Variants in TRIML2 observed in about 807,000 individuals in gnomAD.
TRIML2 encodes the protein probable E3 ubiquitin-protein ligase TRIML2.
TRIML2 carries 28 observed loss-of-function variants against 31.2 expected under a neutral mutation model. That is an observed-to-expected ratio of 0.90 (90% CI 0.66 to 1.23). The LOEUF (loss-of-function observed/expected upper bound fraction) is 1.23. Among genes scored for constraint, TRIML2 ranks in the 50% most tolerant of loss-of-function variants. The pLI, the probability that TRIML2 is intolerant of heterozygous loss-of-function variation, is 0.00. For synonymous variants in TRIML2, 187 were observed against 197.5 expected, an observed-to-expected ratio of 0.95 and a Z score of 0.45; for missense variants, 536 against 528.3, an observed-to-expected ratio of 1.01 and a Z score of -0.14.
chr4:188,107,469 T>A (rs868649549), intron 1 of TRIML2, among the ~76,000 whole-genome samples: 1 of 152,214 alleles, frequency 6.6e-6, no homozygotes, highest in African/African-American at 2.4e-5. Flanking sequence ...AATCTTGGCC[T>A]GAAAAGGCAT....
chr4:188,103,489 T>C (rs1733894787), intron 3 of TRIML2, among the ~76,000 whole-genome samples: 1 of 151,984 alleles, frequency 6.6e-6, no homozygotes, highest in Non-Finnish European at 1.5e-5. Flanking sequence ...CCCGTTTCCT[T>C]ACACAGCTCC....
At chr4:188,107,712 A>G (rs1579187901) in intron 1 of TRIML2, among the ~76,000 whole-genome samples, 1 of 152,102 alleles carries the variant, frequency 6.6e-6, no homozygotes, top group African/African-American at 2.4e-5. Flanking sequence ...ATGCTAAAAA[A>G]CCATTTTCAC....
chr4:188,100,996 A>C (rs1733760389), intron 4 of TRIML2, 60 bp downstream of exon 4: 1 of 1,468,432 alleles, frequency 6.8e-7, no homozygotes. Context: ...AATTGACATA[A>C]TGTTTAGCTC....
chr4:188,098,058 G>A (rs141176361), intron 5 of TRIML2: 4,978 of 253,126 alleles, frequency 0.02, 250 homozygotes, highest in African/African-American at 0.11. Flanking sequence ...GGAGGCGGAG[G>A]TTACAGTGAG....
intron 7 of TRIML2, chr4:188,092,726 T>G (rs12499630): frequency 0.26 from 119,370 of 453,260 alleles, 20,980 homozygotes; most frequent in East Asian, 0.7. Flanking sequence ...ACATCAGGCA[T>G]TACATCAGAT....
At chr4:188,107,203 A>G (rs1734078464) in intron 1 of TRIML2, among the ~76,000 whole-genome samples, 1 of 151,978 alleles carries the variant, frequency 6.6e-6, no homozygotes, top group Non-Finnish European at 1.5e-5. Flanking sequence ...TTTAGTAGAG[A>G]CGGGGTTTCA....
intron 4 of TRIML2, 118 bp downstream of exon 4, chr4:188,100,938 A>G (rs1733758736): frequency 2.3e-6 from 2 of 874,960 alleles, no homozygotes; most frequent in Non-Finnish European, 1.7e-6. Flanking sequence ...AGGTAGGTAT[A>G]TAATTCATTT....
At chr4:188,096,954 C>T (rs1286504438) in intron 7 of TRIML2, 107 bp downstream of exon 7, 7 of 889,824 alleles carry the variant, frequency 7.9e-6, no homozygotes, top group Non-Finnish European at 9.2e-6. Flanking sequence ...ACTGTGCTGG[C>T]CTAAAATTGT....
intron 7 of TRIML2, chr4:188,092,712 C>T: frequency 2.2e-6 from 1 of 451,412 alleles, no homozygotes; most frequent in Admixed American, 2.4e-5. Flanking sequence ...ACAACAGGCC[C>T]TGGACATCAG....
At chr4:188,098,809 G>C (rs1733642263) in intron 5 of TRIML2, 3 of 505,982 alleles carry the variant, frequency 5.9e-6, no homozygotes, top group Non-Finnish European at 1.0e-5. Flanking sequence ...ACTTACTGCT[G>C]ATAATTTTAA....
chr4:188,096,730 C>T (rs1259399039), intron 7 of TRIML2, among the ~76,000 whole-genome samples: 1 of 151,416 alleles, frequency 6.6e-6, no homozygotes. Context: ...GATCTCAGCT[C>T]ACTGCAATCT....
At chr4:188,108,532 T>C (rs1734129282) in intron 1 of TRIML2, among the ~76,000 whole-genome samples, 1 of 152,192 alleles carries the variant, frequency 6.6e-6, no homozygotes, top group Non-Finnish European at 1.5e-5. Context: ...TGAGCAGGTT[T>C]GTGGTCACTT....
At chr4:188,107,379 T>C (rs574954413) in intron 1 of TRIML2, among the ~76,000 whole-genome samples, 1 of 152,322 alleles carries the variant, frequency 6.6e-6, no homozygotes, top group African/African-American at 2.4e-5. Context: ...TAAACATAGA[T>C]ATTAACGCTC....
At chr4:188,100,219 A>G (rs1270234030) in intron 4 of TRIML2, among the ~76,000 whole-genome samples, 1 of 152,152 alleles carries the variant, frequency 6.6e-6, no homozygotes, top group Non-Finnish European at 1.5e-5. Context: ...TCTGCTACTC[A>G]TCAACTGCTT....
At chr4:188,092,159 T>G (rs1733293410) in intron 7 of TRIML2, among the ~76,000 whole-genome samples, 1 of 152,066 alleles carries the variant, frequency 6.6e-6, no homozygotes, top group East Asian at 1.9e-4. Flanking sequence ...GGACACAGTC[T>G]ACCTGAGCGG....
intron 3 of TRIML2, among the ~76,000 whole-genome samples, chr4:188,104,390 G>A (rs149712604): frequency 0.011 from 1,724 of 151,922 alleles, 16 homozygotes; most frequent in Non-Finnish European, 0.016. Context: ...TTGAGATGGA[G>A]TCTTGCTCTG....
At chr4:188,097,647 G>A (rs1733576663) in intron 5 of TRIML2, among the ~76,000 whole-genome samples, 2 of 152,110 alleles carry the variant, frequency 1.3e-5, no homozygotes, top group African/African-American at 4.8e-5. Flanking sequence ...CATGCAGGGG[G>A]TGGCCAGAGT....
intron 3 of TRIML2, among the ~76,000 whole-genome samples, chr4:188,103,016 T>C (rs1444799174): frequency 7.3e-6 from 1 of 137,202 alleles, no homozygotes; most frequent in Non-Finnish European, 1.6e-5. Flanking sequence ...TTTTTTTTTT[T>C]TTTTTTTTTT....
At chr4:188,103,650 C>G (rs1485118486) in intron 3 of TRIML2, among the ~76,000 whole-genome samples, 1 of 152,056 alleles carries the variant, frequency 6.6e-6, no homozygotes, top group African/African-American at 2.4e-5. Context: ...TCCATTGCTT[C>G]CTTTCTCACT....
Sources: gnomAD v4.1 joint callset for allele counts (sites outside exome capture counted in the v4.1 genomes callset) on GRCh38, gnomAD v4.1.1 for gene constraint, MANE v1.5 for transcripts, NCBI Gene and HGNC (gene_info 2026-07-23, HGNC 2026-07-21) for gene names.